ZNF385B: variants seen among roughly 807,000 people sequenced by gnomAD.
The protein encoded by ZNF385B is zinc finger protein 533.
ZNF385B carries 23 observed loss-of-function variants against 39.2 expected under a neutral mutation model. The observed-to-expected ratio is 0.59, with a 90% confidence interval of 0.42 to 0.83. The LOEUF is 0.83. Among genes scored for constraint, ZNF385B ranks in the 40% least tolerant of loss-of-function variants. The pLI is 0.00. For synonymous variants in ZNF385B, 205 were observed against 222.6 expected, an observed-to-expected ratio of 0.92 and a Z score of 0.70; for missense variants, 552 against 598.9, an observed-to-expected ratio of 0.92 and a Z score of 0.82.
chr2:179,780,129 A>G (rs867737265), intron 1 of ZNF385B, among the ~76,000 whole-genome samples: 3 of 152,134 alleles, frequency 2.0e-5, no homozygotes, highest in Non-Finnish European at 4.4e-5. Context: ...ATTTGAGAGT[A>G]GGTTCTTTTC....
chr2:179,469,280 T>C (rs79832257), intron 6 of ZNF385B, among the ~76,000 whole-genome samples: 2,982 of 152,310 alleles, frequency 0.02, 68 homozygotes, highest in Non-Finnish European at 0.026. Flanking sequence ...ACACTAACGA[T>C]AGCTGATAAA....
intron 1 of ZNF385B, among the ~76,000 whole-genome samples, chr2:179,782,587 A>G (rs1026176770): frequency 6.6e-6 from 1 of 152,172 alleles, no homozygotes; most frequent in Admixed American, 6.5e-5. Context: ...AAAACTCCAT[A>G]GTCTCAGCCA....
At chr2:179,779,415 T>A (rs749598820) in intron 1 of ZNF385B, among the ~76,000 whole-genome samples, 1 of 152,236 alleles carries the variant, frequency 6.6e-6, no homozygotes, top group Non-Finnish European at 1.5e-5. Context: ...TGGTTGGTCA[T>A]GCAGGCCTTT....
chr2:179,450,306 C>G (rs910899538), intron 6 of ZNF385B, among the ~76,000 whole-genome samples: 5 of 151,906 alleles, frequency 3.3e-5, no homozygotes. Flanking sequence ...ACCATCAGAG[C>G]GAACAGGCAA....
chr2:179,728,624 G>T (rs1215719191), intron 3 of ZNF385B, among the ~76,000 whole-genome samples: 3 of 151,952 alleles, frequency 2.0e-5, no homozygotes, highest in Non-Finnish European at 4.4e-5. Flanking sequence ...TTAAAACTTT[G>T]ATTTTAAATT....
At chr2:179,750,371 G>T (rs570290688) in intron 3 of ZNF385B, among the ~76,000 whole-genome samples, 2 of 152,216 alleles carry the variant, frequency 1.3e-5, no homozygotes, top group Admixed American at 6.5e-5. Flanking sequence ...TTGCTTTGAA[G>T]AATAGAGTCA....
At chr2:179,780,939 A>T (rs945432295) in intron 1 of ZNF385B, among the ~76,000 whole-genome samples, 6 of 152,230 alleles carry the variant, frequency 3.9e-5, no homozygotes, top group African/African-American at 1.4e-4. Context: ...CCCAGGGAAA[A>T]TGCTAAATTG....
chr2:179,843,303 TA>T (rs1341956467), intron 1 of ZNF385B, among the ~76,000 whole-genome samples: 3 of 152,196 alleles, frequency 2.0e-5, no homozygotes, highest in Non-Finnish European at 4.4e-5. Flanking sequence ...AAAAGAAGTG[TA>T]CATCTAGAGT....
intron 6 of ZNF385B, among the ~76,000 whole-genome samples, chr2:179,467,738 A>T (rs2052234307): frequency 1.3e-5 from 2 of 152,174 alleles, no homozygotes; most frequent in Admixed American, 1.3e-4. Flanking sequence ...CTTTTAGACT[A>T]ATCCTGAAAG....
chr2:179,446,986 T>A (rs1287282836), intron 6 of ZNF385B, among the ~76,000 whole-genome samples: 1 of 152,150 alleles, frequency 6.6e-6, no homozygotes, highest in Admixed American at 6.5e-5. Flanking sequence ...AAGATAAGGA[T>A]GACTTATGAA....
At chr2:179,687,590 A>G (rs538261623) in intron 3 of ZNF385B, among the ~76,000 whole-genome samples, 8 of 152,270 alleles carry the variant, frequency 5.3e-5, no homozygotes, top group East Asian at 1.9e-4. Context: ...GAGCTACTAT[A>G]TTATCCCTAT....
chr2:179,752,607 A>G (rs1702748584), intron 3 of ZNF385B, among the ~76,000 whole-genome samples: 1 of 152,062 alleles, frequency 6.6e-6, no homozygotes, highest in Non-Finnish European at 1.5e-5. Context: ...TTGTTTCCTG[A>G]CTTTTTAATG....
At chr2:179,855,615 CT>C (rs1684530494) in intron 1 of ZNF385B, among the ~76,000 whole-genome samples, 1 of 152,146 alleles carries the variant, frequency 6.6e-6, no homozygotes, top group East Asian at 1.9e-4. Flanking sequence ...TCACTGACTT[CT>C]AAAAAATATG....
At chr2:179,645,797 A>G (rs989080579) in intron 3 of ZNF385B, among the ~76,000 whole-genome samples, 1 of 151,800 alleles carries the variant, frequency 6.6e-6, no homozygotes, top group African/African-American at 2.4e-5. Context: ...CTCAGTTGAG[A>G]CCTCTAGAAT....
chr2:179,521,152 A>AT (rs2105814983), intron 4 of ZNF385B, among the ~76,000 whole-genome samples: 1 of 151,426 alleles, frequency 6.6e-6, no homozygotes, highest in African/African-American at 2.4e-5. Flanking sequence ...AATTTTTTAC[A>AT]TAACTCCTAA....
intron 5 of ZNF385B, among the ~76,000 whole-genome samples, chr2:179,507,892 G>T (rs918425585): frequency 2.0e-5 from 3 of 152,082 alleles, no homozygotes; most frequent in African/African-American, 7.2e-5. Flanking sequence ...GTTCCTTACA[G>T]CCAGTCAGAC....
At chr2:179,633,073 C>T (rs1478289118) in intron 3 of ZNF385B, among the ~76,000 whole-genome samples, 2 of 152,116 alleles carry the variant, frequency 1.3e-5, no homozygotes, top group African/African-American at 4.8e-5. Flanking sequence ...AGCCTACCAA[C>T]TAAAAAATGT....
At chr2:179,838,930 G>C (rs564011070) in intron 1 of ZNF385B, among the ~76,000 whole-genome samples, 7 of 148,490 alleles carry the variant, frequency 4.7e-5, no homozygotes, top group Non-Finnish European at 6.0e-5. Context: ...AAAAAAAAAG[G>C]GGGGGGGGCA....
chr2:179,481,410 T>G (rs2105585071), intron 6 of ZNF385B, among the ~76,000 whole-genome samples: 1 of 152,010 alleles, frequency 6.6e-6, no homozygotes, highest in Non-Finnish European at 1.5e-5. Context: ...TTTTTTTCTC[T>G]TCTTCCACAC....
Sources: gnomAD v4.1 joint callset for allele counts (sites outside exome capture counted in the v4.1 genomes callset) on GRCh38, gnomAD v4.1.1 for gene constraint, MANE v1.5 for transcripts, NCBI Gene and HGNC (gene_info 2026-07-23, HGNC 2026-07-21) for gene names.